The following GUCY2C variants were observed in gnomAD, a reference collection of about 807,000 sequenced individuals.
The protein encoded by GUCY2C is guanylate cyclase 2C, also known as guanylyl cyclase C.
Under a neutral mutation model 131.1 loss-of-function variants are expected in GUCY2C, and 118 were observed. The observed-to-expected ratio is 0.90, with a 90% CI of 0.78 to 1.05. GUCY2C has a LOEUF of 1.05. GUCY2C is among the 50% of genes least tolerant of loss of function. GUCY2C has a pLI of 0.00. For missense variants in GUCY2C, 1,161 were observed against 1,304.4 expected, an observed-to-expected ratio of 0.89 and a Z score of 1.69; for synonymous variants, 452 against 457.8, an observed-to-expected ratio of 0.99 and a Z score of 0.16.
At chr12:14,615,632 G>GAT (rs145901435) in intron 25 of GUCY2C, among the ~76,000 whole-genome samples, 9,317 of 145,710 alleles carry the variant, frequency 0.064, 937 homozygotes, top group African/African-American at 0.21. Context: ...ATGAGTGATT[G>GAT]ATATATATAT....
intron 19 of GUCY2C, among the ~76,000 whole-genome samples, chr12:14,636,647 A>G (rs994296486): frequency 7.2e-5 from 11 of 152,212 alleles, no homozygotes; most frequent in African/African-American, 2.2e-4. Flanking sequence ...CAGAGCAATT[A>G]GGCAAGAAAA....
chr12:14,686,377 G>C, intron 2 of GUCY2C, 152 bp from the exon 3 acceptor site: 1 of 634,634 alleles, frequency 1.6e-6, no homozygotes, highest in South Asian at 1.9e-5. Flanking sequence ...CCTTGGTCTG[G>C]ACAAGGATCA....
At chr12:14,695,891 C>T (rs1294285013) in intron 1 of GUCY2C, among the ~76,000 whole-genome samples, 2 of 152,086 alleles carry the variant, frequency 1.3e-5, no homozygotes, top group East Asian at 3.9e-4. Flanking sequence ...CTCCCGGGCT[C>T]AGTGTCCCTC....
At chr12:14,625,141 C>T (rs1236652656) in intron 21 of GUCY2C, among the ~76,000 whole-genome samples, 5 of 152,104 alleles carry the variant, frequency 3.3e-5, no homozygotes, top group African/African-American at 1.2e-4. Context: ...TGATCCGCCT[C>T]CTAGTTTTCT....
chr12:14,634,034 A>T (rs999105235), intron 19 of GUCY2C, among the ~76,000 whole-genome samples: 2 of 152,156 alleles, frequency 1.3e-5, no homozygotes, highest in Non-Finnish European at 2.9e-5. Context: ...GATACAGGAA[A>T]CTCAGAGATC....
At chr12:14,684,967 G>GTA (rs1948443473) in intron 3 of GUCY2C, among the ~76,000 whole-genome samples, 1 of 152,096 alleles carries the variant, frequency 6.6e-6, no homozygotes, top group South Asian at 2.1e-4. Context: ...TGGTGCCACT[G>GTA]ATCCCTGCCC....
At chr12:14,638,942 C>T (rs1465283964) in intron 19 of GUCY2C, among the ~76,000 whole-genome samples, 1 of 152,092 alleles carries the variant, frequency 6.6e-6, no homozygotes, top group African/African-American at 2.4e-5. Flanking sequence ...ACACATTCTG[C>T]GCATATGACA....
At chr12:14,622,791 A>T (rs7968244) in intron 21 of GUCY2C, among the ~76,000 whole-genome samples, 127,369 of 152,248 alleles carry the variant, frequency 0.84, 57,485 homozygotes, top group East Asian at 0.99. Context: ...AGAATCAATC[A>T]TGTAAATAAA....
At chr12:14,670,666 C>T (rs1592132929) in intron 9 of GUCY2C, among the ~76,000 whole-genome samples, 1 of 151,750 alleles carries the variant, frequency 6.6e-6, no homozygotes, top group South Asian at 2.1e-4. Context: ...ATAAGTCTCA[C>T]GAGATCTGAT....
At chr12:14,663,365 C>T (rs1364179550) in intron 10 of GUCY2C, among the ~76,000 whole-genome samples, 1 of 152,362 alleles carries the variant, frequency 6.6e-6, no homozygotes, top group South Asian at 2.1e-4. Flanking sequence ...TCACCGCAAC[C>T]TCCACCCTCC....
chr12:14,685,877 C>G (rs1028146096), intron 3 of GUCY2C, among the ~76,000 whole-genome samples: 3 of 152,120 alleles, frequency 2.0e-5, no homozygotes, highest in Non-Finnish European at 4.4e-5. Context: ...TCAAATTATC[C>G]AATTTCACTG....
At chr12:14,622,453 C>T (rs987641669) in intron 21 of GUCY2C, among the ~76,000 whole-genome samples, 1 of 152,150 alleles carries the variant, frequency 6.6e-6, no homozygotes, top group Non-Finnish European at 1.5e-5. Flanking sequence ...ATTATTAATC[C>T]TAATACACAT....
At chr12:14,633,399 A>C (rs1029019923) in intron 19 of GUCY2C, among the ~76,000 whole-genome samples, 8 of 152,188 alleles carry the variant, frequency 5.3e-5, no homozygotes, top group African/African-American at 1.9e-4. Flanking sequence ...CTATAGATAC[A>C]TCTTCAGGAA....
intron 9 of GUCY2C, 113 bp from the exon 10 acceptor site, chr12:14,669,946 T>G (rs1948072538): frequency 3.7e-6 from 2 of 538,058 alleles, no homozygotes. Flanking sequence ...CAATTCTCAG[T>G]GAAAAAAGGC....
intron 25 of GUCY2C, among the ~76,000 whole-genome samples, chr12:14,615,521 G>C (rs1195907692): frequency 1.3e-5 from 2 of 151,544 alleles, no homozygotes; most frequent in Non-Finnish European, 2.9e-5. Context: ...ATTTGAAAAA[G>C]AGATACAAAA....
intron 26 of GUCY2C, 138 bp downstream of exon 26, chr12:14,614,729 A>T (rs1420584399): frequency 1.7e-6 from 1 of 603,632 alleles, no homozygotes; most frequent in African/African-American, 2.0e-5. Flanking sequence ...GGAGGTTTCT[A>T]AACCTTCTCA....
chr12:14,680,260 A>G (rs1427864272), intron 5 of GUCY2C, among the ~76,000 whole-genome samples: 7 of 152,196 alleles, frequency 4.6e-5, no homozygotes, highest in Admixed American at 4.6e-4. Flanking sequence ...ACTTCATCTT[A>G]GTAACTCCAA....
At chr12:14,695,600 C>CAAAA (rs557450619) in intron 1 of GUCY2C, among the ~76,000 whole-genome samples, 6 of 58,562 alleles carry the variant, frequency 1.0e-4, no homozygotes, top group African/African-American at 2.9e-4. Flanking sequence ...GACTCCATCT[C>CAAAA]AAAAAAAAAA....
chr12:14,618,816 A>G (rs1386314045), intron 24 of GUCY2C, among the ~76,000 whole-genome samples: 1 of 152,078 alleles, frequency 6.6e-6, no homozygotes, highest in Non-Finnish European at 1.5e-5. Context: ...AACAACAACA[A>G]AAAAGCAAAA....
Sources: gnomAD v4.1 joint callset for allele counts (sites outside exome capture counted in the v4.1 genomes callset) on GRCh38, gnomAD v4.1.1 for gene constraint, MANE v1.5 for transcripts, NCBI Gene and HGNC (gene_info 2026-07-23, HGNC 2026-07-21) for gene names.